The following HS3ST4 variants were observed in gnomAD, a reference collection of about 807,000 sequenced individuals.
HS3ST4 encodes the protein heparan sulfate-glucosamine 3-sulfotransferase 4.
In HS3ST4, 17 loss-of-function variants were observed where a neutral mutation model predicts 29.2. That is an observed-to-expected ratio of 0.58 (90% CI 0.40 to 0.87). HS3ST4 has a LOEUF of 0.87. Ranked by LOEUF, HS3ST4 falls within the 40% of genes least tolerant of loss-of-function variation. The pLI is 0.00. For missense variants in HS3ST4, 627 were observed against 634.5 expected, an observed-to-expected ratio of 0.99 and a Z score of 0.13; for synonymous variants, 314 against 285.7, an observed-to-expected ratio of 1.10 and a Z score of -1.00.
chr16:25,857,134 A>T (rs1049057888), intron 1 of HS3ST4, among the ~76,000 whole-genome samples: 3 of 152,126 alleles, frequency 2.0e-5, no homozygotes, highest in Non-Finnish European at 2.9e-5. Context: ...GGAGTTGCTC[A>T]CTCTCATGTT....
At chr16:25,947,410 C>A (rs1345728164) in intron 1 of HS3ST4, among the ~76,000 whole-genome samples, 1 of 152,176 alleles carries the variant, frequency 6.6e-6, no homozygotes, top group Non-Finnish European at 1.5e-5. Context: ...CTCAATGGCC[C>A]ACAACAAGCA....
chr16:26,112,120 G>A (rs1899139821), intron 1 of HS3ST4, among the ~76,000 whole-genome samples: 1 of 152,064 alleles, frequency 6.6e-6, no homozygotes, highest in Non-Finnish European at 1.5e-5. Context: ...ATGAAGGAGT[G>A]CACTAGCTTA....
At chr16:25,892,317 G>A (rs1297276890) in intron 1 of HS3ST4, among the ~76,000 whole-genome samples, 2 of 152,150 alleles carry the variant, frequency 1.3e-5, no homozygotes, top group Non-Finnish European at 2.9e-5. Flanking sequence ...CAAGAGTAGA[G>A]GAGCTGATTC....
At chr16:25,842,691 A>G (rs1967427551) in intron 1 of HS3ST4, among the ~76,000 whole-genome samples, 1 of 152,200 alleles carries the variant, frequency 6.6e-6, no homozygotes, top group Admixed American at 6.5e-5. Flanking sequence ...TTCAGGGACC[A>G]ATAGCTATTT....
At chr16:25,930,770 G>A (rs112291953) in intron 1 of HS3ST4, among the ~76,000 whole-genome samples, 5,796 of 152,244 alleles carry the variant, frequency 0.038, 392 homozygotes, top group Admixed American at 0.18. Context: ...CCGATGTAGG[G>A]ATCCCAGCAG....
intron 1 of HS3ST4, among the ~76,000 whole-genome samples, chr16:26,086,845 C>T (rs1898795484): frequency 6.6e-6 from 1 of 152,178 alleles, no homozygotes; most frequent in Non-Finnish European, 1.5e-5. Flanking sequence ...AGTCTTTTCT[C>T]TGTATTTTCT....
At chr16:25,737,518 C>T (rs998717587) in intron 1 of HS3ST4, among the ~76,000 whole-genome samples, 13 of 152,164 alleles carry the variant, frequency 8.5e-5, no homozygotes, top group African/African-American at 3.1e-4. Context: ...CATTTTCTCA[C>T]TTATAAGTGG....
intron 1 of HS3ST4, among the ~76,000 whole-genome samples, chr16:25,887,445 C>G (rs1267482943): frequency 6.6e-6 from 1 of 152,134 alleles, no homozygotes; most frequent in African/African-American, 2.4e-5. Flanking sequence ...AACCCCCACC[C>G]TCTTAGTCAA....
At chr16:26,090,479 G>A (rs1326937002) in intron 1 of HS3ST4, among the ~76,000 whole-genome samples, 1 of 151,928 alleles carries the variant, frequency 6.6e-6, no homozygotes, top group Non-Finnish European at 1.5e-5. Context: ...TTTTATTCCT[G>A]CAGAGGGGCA....
intron 1 of HS3ST4, among the ~76,000 whole-genome samples, chr16:25,910,323 T>C (rs1410450858): frequency 2.0e-5 from 3 of 152,128 alleles, no homozygotes; most frequent in African/African-American, 4.8e-5. Flanking sequence ...TCAGAGTCCA[T>C]GAAACATTGG....
At chr16:25,860,762 A>G (rs756180465) in intron 1 of HS3ST4, among the ~76,000 whole-genome samples, 9 of 152,154 alleles carry the variant, frequency 5.9e-5, no homozygotes, top group Non-Finnish European at 1.2e-4. Flanking sequence ...AGGGCCATGA[A>G]ATTACTCTGT....
intron 1 of HS3ST4, among the ~76,000 whole-genome samples, chr16:26,016,037 G>A (rs1203123957): frequency 1.3e-5 from 2 of 152,136 alleles, no homozygotes; most frequent in Non-Finnish European, 2.9e-5. Flanking sequence ...CAACAGCAAA[G>A]AGATAGCTGC....
At chr16:26,091,932 G>A (rs1165668098) in intron 1 of HS3ST4, among the ~76,000 whole-genome samples, 1 of 152,168 alleles carries the variant, frequency 6.6e-6, no homozygotes, top group Admixed American at 6.5e-5. Context: ...ACAATGATAT[G>A]AAAACCCCTT....
chr16:26,086,459 C>T (rs184421030), intron 1 of HS3ST4, among the ~76,000 whole-genome samples: 1 of 151,972 alleles, frequency 6.6e-6, no homozygotes, highest in Non-Finnish European at 1.5e-5. Context: ...ATGCCATTCT[C>T]CTGCCTCAGC....
chr16:25,699,499 A>G (rs752589943), intron 1 of HS3ST4, among the ~76,000 whole-genome samples: 48 of 151,972 alleles, frequency 3.2e-4, no homozygotes, highest in Non-Finnish European at 5.4e-4. Flanking sequence ...TGCACTTATA[A>G]AATAGATTAC....
In HS3ST4 at chr16:26,113,546, A is replaced by G. The variant is rs368667228; in HGVS notation, c.735-22066A>G. ...AGATAAACACAAAATTCAGGAAAGC[A>G]ATATTTTAGTCTCCAGGCTGATTCT... is the stretch of plus-strand genomic sequence containing the variant. On this transcript the variant is annotated intron_variant, in intron 1 of 1. Coordinates refer to ENST00000331351, the MANE Select transcript of HS3ST4 (RefSeq NM_006040.3). 1.7e-4 allele frequency among the ~76,000 whole-genome samples: 25 copies of G among 150,310 alleles called. 1 individual carries two copies. Among genetic ancestry groups the G allele is most frequent in the East Asian group, 1.6e-3 (8 of 5,088 alleles).
chr16:26,040,748 T>C (rs1450107867), intron 1 of HS3ST4, among the ~76,000 whole-genome samples: 1 of 152,082 alleles, frequency 6.6e-6, no homozygotes, highest in African/African-American at 2.4e-5. Flanking sequence ...GTTATGGAAG[T>C]CATAAGTATT....
At chr16:25,696,161 T>C (rs1966294663) in intron 1 of HS3ST4, among the ~76,000 whole-genome samples, 1 of 152,194 alleles carries the variant, frequency 6.6e-6, no homozygotes, top group South Asian at 2.1e-4. Context: ...GAAGCGAGCC[T>C]CACTTGGTGG....
At chr16:26,010,975 G>A (rs1189863468) in intron 1 of HS3ST4, among the ~76,000 whole-genome samples, 2 of 152,134 alleles carry the variant, frequency 1.3e-5, no homozygotes, top group Admixed American at 1.3e-4. Flanking sequence ...GTAGTTTTGA[G>A]GAATAAATGA....
Sources: gnomAD v4.1 joint callset for allele counts (sites outside exome capture counted in the v4.1 genomes callset) on GRCh38, gnomAD v4.1.1 for gene constraint, MANE v1.5 for transcripts, NCBI Gene and HGNC (gene_info 2026-07-23, HGNC 2026-07-21) for gene names.